SLC43A1: variants seen among roughly 807,000 people sequenced by gnomAD.
The protein encoded by SLC43A1 is large neutral amino acids transporter small subunit 3.
Under a neutral mutation model 59.5 loss-of-function variants are expected in SLC43A1, and 31 were observed. The observed-to-expected ratio is 0.52, with a 90% CI of 0.39 to 0.70. SLC43A1 has a LOEUF of 0.70. SLC43A1 is among the 30% of genes least tolerant of loss of function. The pLI, the probability that SLC43A1 is intolerant of heterozygous loss-of-function variation, is 0.00. For missense variants in SLC43A1, 598 were observed against 717.8 expected, an observed-to-expected ratio of 0.83 and a Z score of 1.91; for synonymous variants, 259 against 290.9, an observed-to-expected ratio of 0.89 and a Z score of 1.12.
chr11:57,498,227 G>A (rs944943712), intron 5 of SLC43A1, among the ~76,000 whole-genome samples: 1 of 152,140 alleles, frequency 6.6e-6, no homozygotes, highest in Non-Finnish European at 1.5e-5. Flanking sequence ...GGAAGCTTGA[G>A]GTCAGGAGTT....
At chr11:57,497,962 C>A in intron 5 of SLC43A1, 117 bp from the exon 6 acceptor site, 2 of 686,760 alleles carry the variant, frequency 2.9e-6, no homozygotes, top group African/African-American at 1.8e-5. Context: ...CAAGGTAAAA[C>A]AAACAGAAAA....
At chr11:57,501,956 TCTAAACACAACAGCCCC>T (rs56032818) in intron 2 of SLC43A1, among the ~76,000 whole-genome samples, 115,413 of 152,202 alleles carry the variant, frequency 0.76, 43,921 homozygotes, top group East Asian at 0.89. Context: ...CAGGCACTGT[TCTAAACACAACAGCCCC>T]ATAAGTCAGT....
Position 57,489,371 on chromosome 11 carries a change from G to T in SLC43A1, c.1215C>A (p.Ser405=). The part of the protein sequence containing the change: ...GDARDGVATK[S]IRPRYCKIQK... ...GGATCTTGCAGTAGCGTGGTCTGATGGATTTGGTAGCAACCCCGTCCCTGA... is the reference window on the plus strand; with the variant it reads ...GGATCTTGCAGTAGCGTGGTCTGATTGATTTGGTAGCAACCCCGTCCCTGA... The change falls in exon 12 of 15, where the codon TCC becomes TCA. Residue 405 remains serine (S), a synonymous_variant. Coordinates refer to ENST00000278426, the MANE Select transcript of SLC43A1 (RefSeq NM_003627.6). 6.2e-7 allele frequency: 1 copy of T among 1,614,200 alleles called. No individual in the cohort carries two copies. The highest frequency in any genetic ancestry group is 8.5e-7 in the Non-Finnish European group (1 of 1,180,040).
intron 8 of SLC43A1, among the ~76,000 whole-genome samples, chr11:57,493,247 G>A (rs974916325): frequency 2.0e-5 from 3 of 152,122 alleles, no homozygotes; most frequent in Non-Finnish European, 2.9e-5. Flanking sequence ...ACTCCAGCTC[G>A]TGCCCTTAGC....
intron 8 of SLC43A1, 77 bp downstream of exon 8, chr11:57,493,916 T>C: frequency 7.1e-7 from 1 of 1,417,022 alleles, no homozygotes; most frequent in Non-Finnish European, 9.5e-7. Context: ...GAATAAATAC[T>C]CAACCATGAG....
Position 57,500,835 on chromosome 11 carries a change from G to A in SLC43A1, c.409C>T (p.Leu137=). 5 of 1,614,238 alleles carry A rather than the reference G, an allele frequency of 3.1e-6. No homozygotes were observed. Among genetic ancestry groups the A allele is most frequent in the Non-Finnish European group, 4.2e-6 (5 of 1,180,034 alleles). Residue 137 remains leucine, a synonymous_variant, in exon 5 of 15, where the codon CTG becomes TTG. Coordinates refer to ENST00000278426, the MANE Select transcript of SLC43A1 (RefSeq NM_003627.6). ...CCAAAGCCATTCAGGGACAGCGCCA[G>A]GAATATCAACGGAGACAGAGCTGGA... ...DVEALSPLIF[L]ALSLNGFGGI... is the part of the protein sequence containing the mutation.
intron 2 of SLC43A1, among the ~76,000 whole-genome samples, chr11:57,503,118 A>C (rs931770613): frequency 1.3e-5 from 2 of 152,090 alleles, no homozygotes; most frequent in Admixed American, 6.5e-5. Context: ...AGTGTTGACC[A>C]GCCATGGAAG....
chr11:57,514,355 G>A lies in SLC43A1; in HGVS notation c.-13-231C>T. On this transcript the variant is annotated intron_variant, in intron 1 of 14. Coordinates refer to ENST00000278426, the MANE Select transcript of SLC43A1 (RefSeq NM_003627.6). This position sits in a 1 kb window ranked among gnomAD's most constrained non-coding sequence, Gnocchi z 5.5. ...CCGCTGAGCCACTATCGGAAACAAGGAAGGTCCTGTCTGCGCGCTGCAGCT... is the reference window on the plus strand; with the variant it reads ...CCGCTGAGCCACTATCGGAAACAAGAAAGGTCCTGTCTGCGCGCTGCAGCT... The A allele has an allele frequency of 1.9e-6, 1 of 539,916 alleles. No homozygotes were observed. The allele number at this position is 539,916 out of a possible 1,614,324, so 33.4% of individuals were successfully genotyped here.
chr11:57,486,963 G>A (rs1423920128), intron 14 of SLC43A1, 132 bp downstream of exon 14: 1 of 902,318 alleles, frequency 1.1e-6, no homozygotes, highest in Non-Finnish European at 1.7e-6. Flanking sequence ...CAGACAACTT[G>A]GAAACCTGCA....
intron 2 of SLC43A1, among the ~76,000 whole-genome samples, chr11:57,502,422 C>T (rs530729239): frequency 1.3e-5 from 2 of 152,350 alleles, no homozygotes; most frequent in Admixed American, 1.3e-4. Context: ...GAGCTTTGCA[C>T]AGTGCCTGGC....
Position 57,491,358 on chromosome 11 carries a change from C to T in SLC43A1, c.1059G>A (p.Gly353=), listed in dbSNP as rs375162573. 6 of 1,590,972 alleles carry T rather than the reference C, an allele frequency of 3.8e-6. No homozygotes were observed. Among genetic ancestry groups the T allele is most frequent in the Non-Finnish European group, 4.3e-6 (5 of 1,167,488 alleles). The change falls in exon 11 of 15, where the codon GGG becomes GGA. Residue 353 remains glycine (G), a synonymous_variant. Coordinates refer to ENST00000278426, the MANE Select transcript of SLC43A1 (RefSeq NM_003627.6). Reference sequence around the variant, plus strand: ...TGGCCCCGAAGACGGAGGAGTAGAACCCAACTGGGCAGGATGGGAAGGGCA... The same window carrying T: ...TGGCCCCGAAGACGGAGGAGTAGAATCCAACTGGGCAGGATGGGAAGGGCA... ...EQQQKVAETV[G]FYSSVFGAMQ... is the part of the protein sequence containing the mutation.
At chr11:57,492,523 T>G (rs1048568206) in intron 8 of SLC43A1, among the ~76,000 whole-genome samples, 1 of 121,276 alleles carries the variant, frequency 8.2e-6, no homozygotes, top group African/African-American at 3.2e-5. Context: ...TAATATAATA[T>G]ATATAATTTT....
chr11:57,495,253 C>G lies in SLC43A1; in HGVS notation c.692+778G>C, dbSNP rs528039854. On this transcript the variant is annotated intron_variant, in intron 7 of 14. Coordinates refer to ENST00000278426, the MANE Select transcript of SLC43A1 (RefSeq NM_003627.6). The stretch of plus-strand genomic sequence containing the variant: ...CCTGCAATCCCAGCACTTTGGGAGG[C>G]TGAGCCAGGCGGATCACTTGAGGCC... Among the ~76,000 whole-genome samples the G allele has an allele frequency of 3.5e-3, 526 of 152,120 alleles. 2 individuals are homozygous for G. The highest frequency in any genetic ancestry group is 5.5e-3 in the Non-Finnish European group (372 of 67,986).
At chr11:57,485,356 G>A in intron 14 of SLC43A1, 114 bp from the exon 15 acceptor site, 1 of 919,696 alleles carries the variant, frequency 1.1e-6, no homozygotes. Context: ...AATAAATACA[G>A]CTAGTACTTA....
intron 14 of SLC43A1, among the ~76,000 whole-genome samples, chr11:57,485,641 G>C (rs774794347): frequency 6.6e-6 from 1 of 152,178 alleles, no homozygotes; most frequent in Admixed American, 6.5e-5. Context: ...GAGGCTCTCA[G>C]ACACAGTTCA....
intron 2 of SLC43A1, among the ~76,000 whole-genome samples, chr11:57,506,881 G>A (rs1213239675): frequency 1.3e-5 from 2 of 152,186 alleles, no homozygotes; most frequent in African/African-American, 4.8e-5. Flanking sequence ...TTTTATTTGG[G>A]CACTTATGCT....
At chr11:57,491,541 G>C (rs112839175) in intron 10 of SLC43A1, 50 bp downstream of exon 10, 2 of 1,610,618 alleles carry the variant, frequency 1.2e-6, no homozygotes, top group Non-Finnish European at 8.5e-7. Context: ...CCTGAGAAGC[G>C]GGTTGCAGTG....
intron 5 of SLC43A1, among the ~76,000 whole-genome samples, chr11:57,499,349 A>C (rs1421639203): frequency 6.7e-6 from 1 of 150,342 alleles, no homozygotes; most frequent in African/African-American, 2.4e-5. Context: ...AATGGTGTTT[A>C]AACACATATA....
chr11:57,489,754 AG>A (rs1943847542), intron 11 of SLC43A1, among the ~76,000 whole-genome samples: 1 of 152,208 alleles, frequency 6.6e-6, no homozygotes, highest in South Asian at 2.1e-4. Context: ...AAGGATGGGA[AG>A]GAAGGTGGGA....
Sources: allele counts gnomAD v4.1 joint callset (sites outside exome capture counted in the v4.1 genomes callset), GRCh38; gene constraint gnomAD v4.1.1; non-coding constraint Gnocchi (gnomAD v3.1); transcripts MANE v1.5; gene names NCBI Gene and HGNC (gene_info 2026-07-23, HGNC 2026-07-21).